Variants in GRB14 observed in about 807,000 individuals in gnomAD.
GRB14 encodes the protein growth factor receptor bound protein 14, also known as growth factor receptor-bound protein 14.
Under a neutral mutation model 69.1 loss-of-function variants are expected in GRB14, and 38 were observed. The ratio of observed to expected loss-of-function variants is 0.55; its 90% CI spans 0.42 to 0.72. The LOEUF is 0.72. Ranked by LOEUF, GRB14 falls within the 30% of genes least tolerant of loss-of-function variation. The pLI is 0.00. For synonymous variants in GRB14, 247 were observed against 241.3 expected (o/e 1.02, Z -0.22); for missense variants, 666 against 666.1 (o/e 1.00, Z 0.00).
chr2:164,595,252 G>C (rs72874860), intron 2 of GRB14, among the ~76,000 whole-genome samples: 7,418 of 152,208 alleles, frequency 0.049, 408 homozygotes, highest in African/African-American at 0.12. Flanking sequence ...ACTTTTTAAA[G>C]GTTTACTGTG....
At chr2:164,512,177 GTTTT>G (rs1006360884) in intron 6 of GRB14, among the ~76,000 whole-genome samples, 2 of 152,062 alleles carry the variant, frequency 1.3e-5, no homozygotes, top group African/African-American at 4.8e-5. Flanking sequence ...GTTTGTTTTT[GTTTT>G]TTGAGACAGA....
chr2:164,507,573 T>G (rs990119095), intron 8 of GRB14, among the ~76,000 whole-genome samples: 2 of 152,208 alleles, frequency 1.3e-5, no homozygotes, highest in African/African-American at 2.4e-5. Context: ...AAAATGTTAA[T>G]GCTCTTATTT....
At chr2:164,566,510 A>C (rs1353622150) in intron 2 of GRB14, among the ~76,000 whole-genome samples, 1 of 152,162 alleles carries the variant, frequency 6.6e-6, no homozygotes. Context: ...TATTATTAAA[A>C]TACCACGATA....
chr2:164,539,805 AACAG>A (rs1688186021), intron 3 of GRB14: 2 of 152,152 alleles, frequency 1.3e-5, no homozygotes, highest in South Asian at 4.2e-4. Context: ...AAATCTCATA[AACAG>A]ACCACGTGTG....
intron 2 of GRB14, among the ~76,000 whole-genome samples, chr2:164,580,249 C>T (rs1689364430): frequency 6.6e-6 from 1 of 151,980 alleles, no homozygotes; most frequent in African/African-American, 2.4e-5. Flanking sequence ...TGCCCAACCA[C>T]ACCGGGCTAA....
At chr2:164,531,467 T>G (rs939643) in intron 3 of GRB14, among the ~76,000 whole-genome samples, 64,622 of 152,090 alleles carry the variant, frequency 0.42, 16,327 homozygotes, top group Non-Finnish European at 0.57. Context: ...GAAAATAGTA[T>G]GAATTCTGCC....
rs139717555 is a variant in GRB14, at chr2:164,528,304, C to T, written c.482-1169G>A. On this transcript the variant is annotated intron_variant, in intron 3 of 13. Coordinates refer to ENST00000263915, the MANE Select transcript of GRB14 (RefSeq NM_004490.3). ...TACACTTTTCTTAATGTATGCCATA[C>T]TTCAATAAAAGGTGGAGAAAAGAAA... Among the ~76,000 whole-genome samples the T allele has an allele frequency of 3.3e-3, 497 of 151,852 alleles. 4 individuals carry two copies. The highest frequency in any genetic ancestry group is 0.011 in the African/African-American group (471 of 41,390).
intron 3 of GRB14, among the ~76,000 whole-genome samples, chr2:164,534,294 G>A (rs1190672092): frequency 6.6e-6 from 1 of 152,002 alleles, no homozygotes; most frequent in Non-Finnish European, 1.5e-5. Flanking sequence ...ATCCCAATTT[G>A]CATGAATTGT....
At chr2:164,593,896 A>T (rs1216832406) in intron 2 of GRB14, among the ~76,000 whole-genome samples, 1 of 152,178 alleles carries the variant, frequency 6.6e-6, no homozygotes, top group Admixed American at 6.5e-5. Context: ...AATCAAAGAA[A>T]ATGAAGCAAA....
At chr2:164,593,700 G>A (rs1353018245) in intron 2 of GRB14, among the ~76,000 whole-genome samples, 3 of 152,114 alleles carry the variant, frequency 2.0e-5, no homozygotes, top group African/African-American at 4.8e-5. Flanking sequence ...GGACAGTACC[G>A]TGGCAGCCCT....
chr2:164,503,442 CAAAAAAAAAAAAAAAAAA>C (rs148268784), intron 8 of GRB14, among the ~76,000 whole-genome samples: 97 of 92,222 alleles, frequency 1.1e-3, no homozygotes, highest in Middle Eastern at 6.0e-3. Context: ...GGTAATTAGG[CAAAAAAAAAAAAAAAAAA>C]AAAAAAAAAA....
At chr2:164,503,818 A>C (rs1687125055) in intron 8 of GRB14, among the ~76,000 whole-genome samples, 1 of 152,156 alleles carries the variant, frequency 6.6e-6, no homozygotes, top group Non-Finnish European at 1.5e-5. Flanking sequence ...CCAGCTGCCT[A>C]CTAATAAGTC....
chr2:164,509,885 T>G (rs74490424), intron 6 of GRB14, among the ~76,000 whole-genome samples: 1 of 151,794 alleles, frequency 6.6e-6, no homozygotes, highest in African/African-American at 2.4e-5. Flanking sequence ...GAATCTTTCA[T>G]TGTCATTTAC....
At chr2:164,574,966 A>G (rs1052149873) in intron 2 of GRB14, among the ~76,000 whole-genome samples, 7 of 152,014 alleles carry the variant, frequency 4.6e-5, no homozygotes, top group African/African-American at 1.7e-4. Flanking sequence ...AGTGAAAGTC[A>G]CATAGTTCCC....
chr2:164,614,060 C>T (rs1348462156), intron 2 of GRB14, among the ~76,000 whole-genome samples: 3 of 152,162 alleles, frequency 2.0e-5, no homozygotes, highest in Admixed American at 6.5e-5. Flanking sequence ...AGCATCCCTG[C>T]TGATTCTGAA....
rs750651474 is a variant in GRB14 at position 164,522,130 on chromosome 2, T to G, written c.679-13A>C. ...AACTCAGAAACATCTGAAAGAAAAT[T>G]TATATATTTTCAAACTATGATTAAA... On this transcript the variant is annotated splice_polypyrimidine_tract_variant and intron_variant, in intron 5 of 13. Transcript: ENST00000263915. 2 of 1,476,804 alleles carry G rather than the reference T, an allele frequency of 1.4e-6. No homozygotes were observed. The highest frequency in any genetic ancestry group is 9.3e-7 in the Non-Finnish European group (1 of 1,073,506). The allele number at this position is 1,476,804 out of a possible 1,614,324, so 91.5% of individuals were successfully genotyped here. A position where few individuals can be genotyped will look rare whatever the true frequency, so the allele number is the denominator to read the frequency against.
chr2:164,525,458 G>A (rs1422272374), intron 4 of GRB14, among the ~76,000 whole-genome samples: 1 of 152,106 alleles, frequency 6.6e-6, no homozygotes, highest in Non-Finnish European at 1.5e-5. Flanking sequence ...GAAGTACAGA[G>A]TTTAGGGTAT....
At chr2:164,603,522 G>A in intron 2 of GRB14, among the ~76,000 whole-genome samples, 1 of 151,910 alleles carries the variant, frequency 6.6e-6, no homozygotes, top group East Asian at 1.9e-4. Context: ...AAATTAGCTG[G>A]GTGTGGTGGT....
At chr2:164,599,960 CAT>C (rs1352655982) in intron 2 of GRB14, among the ~76,000 whole-genome samples, 2 of 152,200 alleles carry the variant, frequency 1.3e-5, no homozygotes, top group South Asian at 2.1e-4. Context: ...AATTTGAATA[CAT>C]GTCTAAATTA....
Sources: gnomAD v4.1 joint callset for allele counts (sites outside exome capture counted in the v4.1 genomes callset) on GRCh38, gnomAD v4.1.1 for gene constraint, MANE v1.5 for transcripts, NCBI Gene and HGNC (gene_info 2026-07-23, HGNC 2026-07-21) for gene names.